The following HMG20B variants were observed in gnomAD, a reference collection of about 807,000 sequenced individuals.
HMG20B encodes high mobility group 20B, also known as SWI/SNF-related matrix-associated actin-dependent regulator of chromatin subfamily E member 1-related.
In HMG20B, 24 loss-of-function variants were observed where a neutral mutation model predicts 41.6. The ratio of observed to expected loss-of-function variants is 0.58; its 90% CI spans 0.42 to 0.81. The LOEUF (loss-of-function observed/expected upper bound fraction) is 0.81. HMG20B is among the 30% of genes least tolerant of loss of function. The pLI, the probability that HMG20B is intolerant of heterozygous loss-of-function variation, is 0.00. For missense variants in HMG20B, 461 were observed against 444.0 expected, an observed-to-expected ratio of 1.04 and a Z score of -0.34; for synonymous variants, 251 against 186.6, an observed-to-expected ratio of 1.34 and a Z score of -2.81.
chr19:3,573,289 C>A lies in HMG20B; in HGVS notation c.-18-3C>A. 6.6e-7 allele frequency: 1 copy of A among 1,521,918 alleles called. No homozygotes were observed. Among genetic ancestry groups the A allele is most frequent in the Non-Finnish European group, 8.8e-7 (1 of 1,138,468 alleles). The allele number at this position is 1,521,918 out of a possible 1,614,324, so 94.3% of individuals were successfully genotyped here. ...CTCACCTCCGCCCGCGTCCGTGTTC[C>A]AGGTCCGGCCCGGAGCGGCCATGTC... On this transcript the variant is annotated splice_polypyrimidine_tract_variant and splice_region_variant and intron_variant, in intron 1 of 9. Coordinates refer to ENST00000333651, the MANE Select transcript of HMG20B (RefSeq NM_006339.3).
intron 3 of HMG20B, 22 bp downstream of exon 3, chr19:3,573,822 T>C (rs746189156): frequency 6.4e-7 from 1 of 1,573,176 alleles, no homozygotes; most frequent in Admixed American, 1.8e-5. Context: ...TGCGCTGAGC[T>C]GGGGGAGGCC....
chr19:3,574,160 C>G (rs1035750778), intron 3 of HMG20B: 2 of 611,608 alleles, frequency 3.3e-6, no homozygotes, highest in African/African-American at 1.9e-5. Context: ...ACTCAAACCT[C>G]GGCCCATAGT....
Position 3,573,163 on chromosome 19 carries a change from C to T in HMG20B, c.-18-129C>T, listed in dbSNP as rs994914250. 11 of 684,044 alleles carry T rather than the reference C, an allele frequency of 1.6e-5. No homozygotes were observed. The African/African-American group carries it at 1.7e-4, about 11-fold the overall frequency. The allele number at this position is 684,044 out of a possible 1,614,324, so 42.4% of individuals were successfully genotyped here. On this transcript the variant is annotated intron_variant, in intron 1 of 9. Coordinates refer to ENST00000333651, the MANE Select transcript of HMG20B (RefSeq NM_006339.3). ...CGCCCGCCCTCGAGGACTTCCCTGC[C>T]CCTGGATCCGGCCCCCCCAGCGCTC...
At chr19:3,577,937 C>A (rs767269418) in intron 8 of HMG20B, 44 bp from the exon 9 acceptor site, 21 of 1,524,600 alleles carry the variant, frequency 1.4e-5, no homozygotes, top group Non-Finnish European at 1.8e-5. Context: ...CCCCGCCCCG[C>A]GACTCCCCGG....
chr19:3,578,571 C>A lies in HMG20B; in HGVS notation c.*50C>A. The A allele has an allele frequency of 6.4e-7, 1 of 1,553,682 alleles. No homozygotes were observed. Among genetic ancestry groups the A allele is most frequent in the South Asian group, 1.2e-5 (1 of 84,224 alleles). ...AGGAGAAGCTGTGGGCGCGGCCCTGCCACACCCCACCCCGTGGACGAGAGG... is the reference window on the plus strand; with the variant it reads ...AGGAGAAGCTGTGGGCGCGGCCCTGACACACCCCACCCCGTGGACGAGAGG... On this transcript the variant is annotated 3_prime_UTR_variant, in exon 10 of 10. Transcript: ENST00000333651.
Position 3,578,853 on chromosome 19 carries a change from C to G in HMG20B, c.*332C>G. On this transcript the variant is annotated 3_prime_UTR_variant, in exon 10 of 10. Coordinates refer to ENST00000333651, the MANE Select transcript of HMG20B (RefSeq NM_006339.3). ...GCAGACGAAACCCACCCCCAGCACA[C>G]GGCAGGACCCCCCAAATTACTCACT... 1 of 610,744 alleles carries G rather than the reference C, an allele frequency of 1.6e-6. No individual in the cohort carries two copies. The allele number at this position is 610,744 out of a possible 1,614,324, so 37.8% of individuals were successfully genotyped here.
At chr19:3,573,590 C>G in intron 2 of HMG20B, 102 bp from the exon 3 acceptor site, 1 of 1,118,768 alleles carries the variant, frequency 8.9e-7, no homozygotes, top group South Asian at 1.7e-5. Context: ...CTCATGCACT[C>G]TCGCTGCAGC....
intron 8 of HMG20B, 85 bp downstream of exon 8, chr19:3,577,192 C>A (rs2032186305): frequency 9.5e-7 from 1 of 1,054,690 alleles, no homozygotes; most frequent in Non-Finnish European, 1.3e-6. Context: ...CCCCCTTCCC[C>A]TGTCGCCCGG....
intron 5 of HMG20B, chr19:3,576,011 G>T: frequency 1.7e-6 from 1 of 586,416 alleles, no homozygotes; most frequent in Non-Finnish European, 3.0e-6. Flanking sequence ...TTGGGGTCCT[G>T]CTCTGTGGGG....
chr19:3,574,149 T>C, intron 3 of HMG20B: 1 of 613,222 alleles, frequency 1.6e-6, no homozygotes, highest in Non-Finnish European at 2.9e-6. Flanking sequence ...GCCAACCCTG[T>C]ACTCAAACCT....
chr19:3,574,436 G>A lies in HMG20B; in HGVS notation c.201G>A (p.Pro67=). The change falls in exon 4 of 10, where the codon CCG becomes CCA. Residue 67 remains proline (P), a synonymous_variant. Coordinates refer to ENST00000333651, the MANE Select transcript of HMG20B (RefSeq NM_006339.3). ...PKGKKRKKIL[P]NGPKAPVTGY... ...GCAAGAAGCGGAAGAAGATTCTGCC[G>A]AATGGGCCCAAGGCACCGGTCACGG... is the stretch of plus-strand genomic sequence containing the variant. 2.5e-6 allele frequency: 4 copies of A among 1,608,588 alleles called. No individual in the cohort carries two copies. Among genetic ancestry groups the A allele is most frequent in the South Asian group, 1.1e-5 (1 of 90,258 alleles).
At position 3,578,491 on chromosome 19, in the gene HMG20B, C is replaced by T. The variant is rs1255588321; in HGVS notation, c.942-18C>T. 29 of 1,532,272 alleles carry T rather than the reference C, an allele frequency of 1.9e-5. No homozygotes were observed. Among genetic ancestry groups the T allele is most frequent in the African/African-American group, 2.8e-5 (2 of 72,226 alleles). 94.9% of individuals were successfully genotyped at this position (1,532,272 alleles called of 1,614,324 possible). A position where few individuals can be genotyped will look rare whatever the true frequency, so the allele number is the denominator to read the frequency against. On this transcript the variant is annotated intron_variant, in intron 9 of 9. Transcript: ENST00000333651. The stretch of plus-strand genomic sequence containing the variant: ...AGATGATGAGGGCCTCATCCCGGGC[C>T]CTCCTCTCTCGTTTCAGCGAGCACC...
intron 4 of HMG20B, among the ~76,000 whole-genome samples, chr19:3,575,180 T>G (rs572991916): frequency 1.3e-5 from 2 of 152,254 alleles, no homozygotes; most frequent in African/African-American, 4.8e-5. Flanking sequence ...ATCACGGAAA[T>G]GTAACAAAAG....
At chr19:3,576,381 C>A in intron 6 of HMG20B, 74 bp downstream of exon 6, 1 of 1,501,540 alleles carries the variant, frequency 6.7e-7, no homozygotes, top group Non-Finnish European at 9.3e-7. Flanking sequence ...GAGTCAGAGC[C>A]AGTGCTCGCC....
intron 4 of HMG20B, 120 bp downstream of exon 4, chr19:3,574,706 C>T: frequency 2.4e-6 from 2 of 848,906 alleles, no homozygotes. Context: ...AATGCCCACC[C>T]ATAACCAACT....
Position 3,578,090 on chromosome 19 carries a change from G to T in HMG20B, c.918G>T (p.Lys306Asn), listed in dbSNP as rs1599857822. The T allele has an allele frequency of 6.2e-7, 1 of 1,611,412 alleles. No homozygotes were observed. Among genetic ancestry groups the T allele is most frequent in the Non-Finnish European group, 8.5e-7 (1 of 1,179,424 alleles). ...ACGAGAAGCTCATCGTCCGCATCAA[G>T]GAAATCCTGGCCCAGGTCGCCAGGT... ...AQHEKLIVRIKEILAQVASEH... is the reference protein window; with the variant it reads ...AQHEKLIVRINEILAQVASEH... The change falls in exon 9 of 10, where the codon AAG (lysine) becomes AAT (asparagine). Residue 306 changes from lysine (K) to asparagine (N), a missense_variant. By Grantham distance (94) the Lys-to-Asn change is moderately conservative (BLOSUM62 0). Coordinates refer to ENST00000333651, the MANE Select transcript of HMG20B (RefSeq NM_006339.3).
At position 3,578,886 on chromosome 19, in the gene HMG20B, G is replaced by A. The variant is rs770732519; in HGVS notation, c.*365G>A. 1.9e-5 allele frequency: 10 copies of A among 529,514 alleles called. 1 individual carries two copies. Among genetic ancestry groups the A allele is most frequent in the South Asian group, 4.6e-5 (3 of 65,308 alleles). The allele number at this position is 529,514 out of a possible 1,614,324, so 32.8% of individuals were successfully genotyped here. A position where few individuals can be genotyped will look rare whatever the true frequency, so the allele number is the denominator to read the frequency against. ...CCCCCCAAATTACTCACTACGGGGG[G>A]CTGTGCCATAGGCCACACAGGAAGC... On this transcript the variant is annotated 3_prime_UTR_variant, in exon 10 of 10. Transcript: ENST00000333651.
intron 4 of HMG20B, among the ~76,000 whole-genome samples, chr19:3,575,037 G>C (rs1243724489): frequency 6.6e-6 from 1 of 152,152 alleles, no homozygotes; most frequent in African/African-American, 2.4e-5. Context: ...GCTTTTGGGG[G>C]CGCGGCTAGC....
chr19:3,573,319 G>A lies in HMG20B; in HGVS notation c.10G>A (p.Gly4Ser), dbSNP rs1241523753. Residue 4 changes from glycine to serine, a missense_variant, in exon 2 of 10, where the codon GGC becomes AGC. Gly to Ser is a moderately conservative substitution (Grantham distance 56, BLOSUM62 0). Around this residue, in one of 3 missense-constraint regions of HMG20B, gnomAD observed 104 missense variants for 76.5 expected, o/e 1.36. Transcript: ENST00000333651. Reference protein sequence around the residue: MSHGPKQPGAAAAP... With the variant: MSHSPKQPGAAAAP... ...CCGGCCCGGAGCGGCCATGTCCCAC[G>A]GCCCCAAGCAGCCCGGCGCGGCCGC... is the stretch of plus-strand genomic sequence containing the variant. The A allele has an allele frequency of 6.5e-7, 1 of 1,530,536 alleles. No homozygotes were observed. Among genetic ancestry groups the A allele is most frequent in the Admixed American group, 2.0e-5 (1 of 50,538 alleles). The allele number at this position is 1,530,536 out of a possible 1,614,324, so 94.8% of individuals were successfully genotyped here.
Sources: allele counts gnomAD v4.1 joint callset (sites outside exome capture counted in the v4.1 genomes callset), GRCh38; gene constraint gnomAD v4.1.1; regional missense constraint gnomAD v4.1.1; transcripts MANE v1.5; gene names NCBI Gene and HGNC (gene_info 2026-07-23, HGNC 2026-07-21).